The following CSMD1 variants were observed in gnomAD, a reference collection of about 807,000 sequenced individuals.
CSMD1 encodes CUB and Sushi multiple domains 1.
In CSMD1, 213 loss-of-function variants were observed where a neutral mutation model predicts 417.5. The ratio of observed to expected loss-of-function variants is 0.51; its 90% CI spans 0.46 to 0.57. CSMD1 has a LOEUF of 0.57. CSMD1 is among the 20% of genes least tolerant of loss of function. The pLI is 0.00. For synonymous variants in CSMD1, 2,862 were observed against 1,736.8 expected (o/e 1.65, Z -16.11); for missense variants, 6,923 against 4,529.7 (o/e 1.53, Z -15.17).
chr8:4,187,789 G>A (rs779568834), intron 3 of CSMD1, among the ~76,000 whole-genome samples: 1 of 151,216 alleles, frequency 6.6e-6, no homozygotes, highest in Non-Finnish European at 1.5e-5. Context: ...AGTAAAATAG[G>A]CAGGTATTAT....
At chr8:4,095,401 G>GA (rs148773073) in intron 3 of CSMD1, among the ~76,000 whole-genome samples, 33,805 of 150,940 alleles carry the variant, frequency 0.22, 4,701 homozygotes, top group African/African-American at 0.38. Context: ...AAGTAAAAAA[G>GA]AAAAAAAAAT....
chr8:4,712,194 C>T lies in CSMD1; in HGVS notation c.86-74636G>A, dbSNP rs191338047. 1.7e-3 allele frequency among the ~76,000 whole-genome samples: 263 copies of T among 152,280 alleles called. 2 individuals carry two copies. The highest frequency in any genetic ancestry group is 4.7e-4 in the Non-Finnish European group (32 of 68,030). ...TCATTTCTTCAGGCTCAAATGTCTG[C>T]GAATCCATTAGCTCTTGACCTCTAC... On this transcript the variant is annotated intron_variant, in intron 1 of 69. Coordinates refer to ENST00000635120, the MANE Select transcript of CSMD1 (RefSeq NM_033225.6).
Position 4,131,215 on chromosome 8 carries a change from T to C in CSMD1, c.416-99116A>G, listed in dbSNP as rs150534087. Among the ~76,000 whole-genome samples, 1,169 of 152,322 alleles carry C rather than the reference T, an allele frequency of 7.7e-3. 6 individuals carry two copies. Among genetic ancestry groups the C allele is most frequent in the Non-Finnish European group, 0.012 (821 of 68,040 alleles). On this transcript the variant is annotated intron_variant, in intron 3 of 69. Coordinates refer to ENST00000635120, the MANE Select transcript of CSMD1 (RefSeq NM_033225.6). Reference sequence around the variant, plus strand: ...CATAGTTAAATAGAGACGCCATTTCTATAAGTATACGGCATGTGGTGTGGC... The same window carrying C: ...CATAGTTAAATAGAGACGCCATTTCCATAAGTATACGGCATGTGGTGTGGC...
chr8:4,434,075 C>A (rs181377870), intron 2 of CSMD1, among the ~76,000 whole-genome samples: 8 of 152,246 alleles, frequency 5.3e-5, no homozygotes, highest in African/African-American at 1.9e-4. Flanking sequence ...TTGGGACTCA[C>A]GCCTGTGATC....
intron 3 of CSMD1, among the ~76,000 whole-genome samples, chr8:4,071,511 CTTAT>C (rs1799557682): frequency 6.6e-6 from 1 of 152,090 alleles, no homozygotes; most frequent in South Asian, 2.1e-4. Flanking sequence ...GCTTCCTTTA[CTTAT>C]TTAAGCATAA....
intron 12 of CSMD1, among the ~76,000 whole-genome samples, chr8:3,443,147 G>A (rs1041074797): frequency 1.3e-5 from 2 of 152,152 alleles, no homozygotes; most frequent in African/African-American, 2.4e-5. Context: ...AGTGTACACT[G>A]CACACCACGT....
chr8:3,770,090 T>C (rs576689478), intron 5 of CSMD1, among the ~76,000 whole-genome samples: 2 of 152,344 alleles, frequency 1.3e-5, no homozygotes, highest in East Asian at 3.9e-4. Context: ...GATTACTCCC[T>C]TCTTTCCATC....
At chr8:4,637,961 C>T (rs564075092) in intron 1 of CSMD1, among the ~76,000 whole-genome samples, 22 of 152,218 alleles carry the variant, frequency 1.4e-4, no homozygotes, top group Non-Finnish European at 2.1e-4. Flanking sequence ...TGAGCCACCG[C>T]GCCCGGCCTA....
chr8:4,836,912 T>G (rs1247627920), intron 1 of CSMD1, among the ~76,000 whole-genome samples: 1 of 152,136 alleles, frequency 6.6e-6, no homozygotes, highest in Non-Finnish European at 1.5e-5. Context: ...TGGTTGCTGC[T>G]GTGTAGAGTT....
chr8:2,936,774 T>G lies in CSMD1; in HGVS notation c.*1811A>C, dbSNP rs1801516399. 6.6e-6 allele frequency: 1 copy of G among 152,192 alleles called. No homozygotes were observed. Among genetic ancestry groups the G allele is most frequent in the African/African-American group, 2.4e-5 (1 of 41,438 alleles). 9.4% of individuals were successfully genotyped at this position (152,192 alleles called of 1,614,324 possible). On this transcript the variant is annotated 3_prime_UTR_variant, in exon 70 of 70. Coordinates refer to ENST00000635120, the MANE Select transcript of CSMD1 (RefSeq NM_033225.6). ...ATGTCCGAATCAAAACGCGTGACTC[T>G]CCAAAGAATGCCCCATTTTCCTGAC... is the stretch of plus-strand genomic sequence containing the variant.
intron 3 of CSMD1, among the ~76,000 whole-genome samples, chr8:4,308,523 G>C (rs1798378884): frequency 6.6e-6 from 1 of 152,216 alleles, no homozygotes; most frequent in Non-Finnish European, 1.5e-5. Flanking sequence ...CAGAGACCCT[G>C]CTGTGTTTAG....
intron 3 of CSMD1, among the ~76,000 whole-genome samples, chr8:4,067,233 A>G (rs1799299657): frequency 6.6e-6 from 1 of 152,246 alleles, no homozygotes; most frequent in Non-Finnish European, 1.5e-5. Flanking sequence ...ATGAAGTCAG[A>G]TGTTCAAGAC....
At chr8:4,076,470 C>A (rs1198154806) in intron 3 of CSMD1, among the ~76,000 whole-genome samples, 1 of 152,098 alleles carries the variant, frequency 6.6e-6, no homozygotes, top group Non-Finnish European at 1.5e-5. Flanking sequence ...ATAGTGACAG[C>A]AGGTGATGTT....
chr8:3,926,100 C>CACACACAAACACCAT (rs1809687007), intron 5 of CSMD1, among the ~76,000 whole-genome samples: 2 of 75,288 alleles, frequency 2.7e-5, no homozygotes, highest in Admixed American at 3.5e-4. Flanking sequence ...CACACACACA[C>CACACACAAACACCAT]ACACACACAC....
intron 5 of CSMD1, among the ~76,000 whole-genome samples, chr8:3,780,433 G>A (rs569146086): frequency 6.6e-6 from 1 of 152,206 alleles, no homozygotes; most frequent in Non-Finnish European, 1.5e-5. Context: ...TGACTCACTA[G>A]TAAGAGTGGA....
chr8:4,312,058 G>A (rs1182295030), intron 3 of CSMD1, among the ~76,000 whole-genome samples: 1 of 152,072 alleles, frequency 6.6e-6, no homozygotes, highest in African/African-American at 2.4e-5. Flanking sequence ...TTTCTAGCTA[G>A]TAAAGAAATA....
At chr8:3,229,398 G>A (rs971601512) in intron 27 of CSMD1, among the ~76,000 whole-genome samples, 12 of 152,026 alleles carry the variant, frequency 7.9e-5, no homozygotes, top group Non-Finnish European at 1.6e-4. Flanking sequence ...CAATCTACCT[G>A]CAATTACTAT....
chr8:3,932,487 T>C (rs1810219684), intron 5 of CSMD1, among the ~76,000 whole-genome samples: 1 of 150,612 alleles, frequency 6.6e-6, no homozygotes, highest in Non-Finnish European at 1.5e-5. Context: ...AGGACCTTGA[T>C]GCTAAGTCTA....
At chr8:3,938,553 T>C (rs1403249887) in intron 5 of CSMD1, among the ~76,000 whole-genome samples, 4 of 152,166 alleles carry the variant, frequency 2.6e-5, no homozygotes, top group Admixed American at 2.6e-4. Flanking sequence ...AGAGGACCGA[T>C]GCTACCAATG....
Sources: gnomAD v4.1 joint callset for allele counts (sites outside exome capture counted in the v4.1 genomes callset) on GRCh38, gnomAD v4.1.1 for gene constraint, MANE v1.5 for transcripts, NCBI Gene and HGNC (gene_info 2026-07-23, HGNC 2026-07-21) for gene names.